The following PDE3B variants were observed in gnomAD, a reference collection of about 807,000 sequenced individuals.
PDE3B encodes the protein cGMP-inhibited 3',5'-cyclic phosphodiesterase 3B.
PDE3B carries 66 observed loss-of-function variants against 116.8 expected under a neutral mutation model. That is an observed-to-expected ratio of 0.56 (90% CI 0.46 to 0.69). The LOEUF is 0.69. Among genes scored for constraint, PDE3B ranks in the 30% least tolerant of loss-of-function variants. The pLI, the probability that PDE3B is intolerant of heterozygous loss-of-function variation, is 0.00. For synonymous variants in PDE3B, 595 were observed against 533.6 expected (o/e 1.12, Z -1.59); for missense variants, 1,384 against 1,368.1 (o/e 1.01, Z -0.18).
chr11:14,878,446 A>G, the PDE3B span: 4 of 830,962 alleles, frequency 4.8e-6, no homozygotes, highest in Admixed American at 2.8e-5. Flanking sequence ...TAAATCTCAA[A>G]GAATAGAAAT....
Position 14,644,212 on chromosome 11 carries a change from GCTT to G in PDE3B, c.145_147del (p.Phe49del), listed in dbSNP as rs777390962. 2.9e-5 allele frequency: 46 copies of G among 1,593,938 alleles called. No individual in the cohort carries two copies. Among genetic ancestry groups the G allele is most frequent in the African/African-American group, 2.3e-4 (17 of 74,196 alleles). On this transcript the variant is annotated inframe_deletion, in exon 1 of 16. Coordinates refer to ENST00000282096, the MANE Select transcript of PDE3B (RefSeq NM_000922.4). ...CCCTTGCGGCAGGACCCTCCGCGCGGCTTCTTCTTCCACCTCTGCCGCTTCTGC... is the reference window on the plus strand; with the variant it reads ...CCCTTGCGGCAGGACCCTCCGCGCGGCTTCTTCCACCTCTGCCGCTTCTGC...
intron 1 of PDE3B, among the ~76,000 whole-genome samples, chr11:14,764,413 T>G (rs1857440859): frequency 1.3e-5 from 2 of 152,104 alleles, no homozygotes; most frequent in Non-Finnish European, 1.5e-5. Context: ...TGGAGACAAA[T>G]GCTGAGTAAT....
At chr11:14,663,284 G>T (rs1854000428) in intron 1 of PDE3B, among the ~76,000 whole-genome samples, 2 of 152,232 alleles carry the variant, frequency 1.3e-5, no homozygotes, top group South Asian at 4.1e-4. Flanking sequence ...CACCAGGCCT[G>T]CCCTAAAAGA....
At chr11:14,770,848 A>G (rs544393440) in intron 1 of PDE3B, among the ~76,000 whole-genome samples, 5 of 151,830 alleles carry the variant, frequency 3.3e-5, no homozygotes, top group Non-Finnish European at 7.4e-5. Context: ...GTGATTAAAC[A>G]TGGGTGTATT....
intron 1 of PDE3B, among the ~76,000 whole-genome samples, chr11:14,737,342 C>T (rs367872857): frequency 1.5e-3 from 234 of 152,226 alleles, no homozygotes; most frequent in African/African-American, 4.9e-3. Context: ...TACAGGCAGG[C>T]GCCCTGCCAC....
chr11:14,866,529 A>G (rs1388088454), intron 14 of PDE3B, among the ~76,000 whole-genome samples: 4 of 152,208 alleles, frequency 2.6e-5, no homozygotes, highest in Non-Finnish European at 5.9e-5. Context: ...GATAAACCCA[A>G]CTGTTTTTGG....
intron 1 of PDE3B, among the ~76,000 whole-genome samples, chr11:14,759,688 A>G (rs1489029835): frequency 6.6e-6 from 1 of 151,614 alleles, no homozygotes; most frequent in African/African-American, 2.4e-5. Flanking sequence ...AGCTGGGACT[A>G]CAGGTGTGTG....
intron 1 of PDE3B, among the ~76,000 whole-genome samples, chr11:14,668,439 C>G (rs568280366): frequency 2.0e-4 from 31 of 152,126 alleles, no homozygotes; most frequent in African/African-American, 7.2e-4. Context: ...CTGGTCAACC[C>G]TTAAAATGTT....
chr11:14,891,678 C>T, the PDE3B span: 1 of 1,171,948 alleles, frequency 8.5e-7, no homozygotes, highest in South Asian at 2.3e-5. Context: ...GGCTGGCGAG[C>T]CAAACGGCGC....
chr11:14,841,933 A>G (rs1847480861), intron 11 of PDE3B, among the ~76,000 whole-genome samples: 1 of 149,924 alleles, frequency 6.7e-6, no homozygotes, highest in African/African-American at 2.5e-5. Flanking sequence ...GCTACTTGGA[A>G]TGTTTTTGTG....
intron 1 of PDE3B, among the ~76,000 whole-genome samples, chr11:14,652,235 A>C (rs1853591591): frequency 1.3e-5 from 2 of 152,284 alleles, no homozygotes; most frequent in South Asian, 4.1e-4. Context: ...GTTGAAAAAA[A>C]CTGTTAATAA....
At chr11:14,856,853 C>CAA (rs1247235011) in intron 12 of PDE3B, among the ~76,000 whole-genome samples, 15 of 91,682 alleles carry the variant, frequency 1.6e-4, no homozygotes, top group East Asian at 1.1e-3. Context: ...GAGTCCATCT[C>CAA]AAAAAAAAAA....
chr11:14,792,972 C>T (rs776041972), intron 4 of PDE3B, among the ~76,000 whole-genome samples: 65 of 152,154 alleles, frequency 4.3e-4, no homozygotes, highest in Non-Finnish European at 8.5e-4. Context: ...ATTACTACTC[C>T]TCTAAAGCCT....
At chr11:14,713,469 T>G (rs192242685) in intron 1 of PDE3B, among the ~76,000 whole-genome samples, 129 of 152,308 alleles carry the variant, frequency 8.5e-4, no homozygotes, top group African/African-American at 3.0e-3. Context: ...AACTGGGACA[T>G]TGGCTTTTTA....
At chr11:14,861,037 A>G (rs1847940484) in intron 13 of PDE3B, among the ~76,000 whole-genome samples, 168 bp from the exon 14 acceptor site, 1 of 152,202 alleles carries the variant, frequency 6.6e-6, no homozygotes, top group Non-Finnish European at 1.5e-5. Context: ...TTTAACCAAT[A>G]GAGGTCCATA....
At chr11:14,773,002 T>C (rs1021759558) in intron 2 of PDE3B, 1 of 151,980 alleles carries the variant, frequency 6.6e-6, no homozygotes, top group African/African-American at 2.4e-5. Flanking sequence ...TTCAACGCAG[T>C]GTTGAATGGA....
At chr11:14,862,376 G>C (rs1555007327) in intron 14 of PDE3B, among the ~76,000 whole-genome samples, 3 of 152,130 alleles carry the variant, frequency 2.0e-5, no homozygotes, top group Admixed American at 6.6e-5. Flanking sequence ...ATTTCCAGAT[G>C]AAGTGGTTTT....
Position 14,643,828 on chromosome 11 carries a change from A to G in PDE3B, c.-248A>G. On this transcript the variant is annotated 5_prime_UTR_variant, in exon 1 of 16. Coordinates refer to ENST00000282096, the MANE Select transcript of PDE3B (RefSeq NM_000922.4). The stretch of plus-strand genomic sequence containing the variant: ...CAGTCCCGAGAGGTGCCCGAGGGAA[A>G]AGGAGGCGGCAGCTAAACTGGTCCT... The G allele has an allele frequency of 2.2e-6, 1 of 452,136 alleles. No homozygotes were observed. The highest frequency in any genetic ancestry group is 3.6e-5 in the East Asian group (1 of 27,770). 28.0% of individuals were successfully genotyped at this position (452,136 alleles called of 1,614,324 possible).
the PDE3B span, among the ~76,000 whole-genome samples, chr11:14,884,304 G>A: frequency 1.3e-5 from 2 of 151,916 alleles, no homozygotes; most frequent in African/African-American, 4.8e-5. Flanking sequence ...ATGATAGACT[G>A]GATGAAGAAA....
Sources: allele counts gnomAD v4.1 joint callset (sites outside exome capture counted in the v4.1 genomes callset), GRCh38; gene constraint gnomAD v4.1.1; transcripts MANE v1.5; gene names NCBI Gene and HGNC (gene_info 2026-07-23, HGNC 2026-07-21).